FASN: variants seen among roughly 807,000 people sequenced by gnomAD.
FASN encodes the protein fatty acid synthase.
A neutral mutation model predicts 250.0 loss-of-function variants in FASN; 50 were observed. The ratio of observed to expected loss-of-function variants is 0.20; its 90% CI spans 0.16 to 0.25. The LOEUF (loss-of-function observed/expected upper bound fraction) is 0.25, where lower values mean the gene tolerates loss of function less well. Ranked by LOEUF, FASN falls within the 10% of genes least tolerant of loss-of-function variation. The pLI is 1.00. For synonymous variants in FASN, 1,909 were observed against 1,584.0 expected (o/e 1.21, Z -4.87); for missense variants, 3,031 against 3,498.5 (o/e 0.87, Z 3.37).
rs1178917933 is a variant in FASN, at chr17:82,080,827, G to C, written c.6691C>G (p.Leu2231Val). Reference protein sequence around the residue: ...SLLVNPEGPTLMRLNSVQSSE... With the variant: ...SLLVNPEGPTVMRLNSVQSSE... ...CTCTGCACGGAGTTGAGCCGCATCA[G>C]GGTGGGGCCCTCCGGGTTCACCAGC... The change falls in exon 39 of 43, where the codon CTG becomes GTG. Residue 2231 changes from leucine to valine, a missense_variant. Physicochemically the swap from Leu to Val is conservative, Grantham distance 32 (BLOSUM62 1). Coordinates refer to ENST00000306749, the MANE Select transcript of FASN (RefSeq NM_004104.5). 1 of 1,610,432 alleles carries C rather than the reference G, an allele frequency of 6.2e-7. No individual in the cohort carries two copies. The highest frequency in any genetic ancestry group is 1.1e-5 in the South Asian group (1 of 90,524).
chr17:82,081,257 G>C lies in FASN; in HGVS notation c.6502C>G (p.Arg2168Gly). 1 of 1,575,810 alleles carries C rather than the reference G, an allele frequency of 6.3e-7. No homozygotes were observed. Among genetic ancestry groups the C allele is most frequent in the Non-Finnish European group, 8.6e-7 (1 of 1,161,222 alleles). Residue 2168 changes from arginine (R) to glycine (G), a missense_variant, in exon 38 of 43, where the codon CGT becomes GGT. Arg to Gly is a moderately radical substitution (Grantham distance 125). Transcript: ENST00000306749. ...ACGGACAGCACCAGGTTGAGCTCAC[G>C]CTCCAGCGTCTGGCGCACCTCCACG... ...MSVEVRQTLE[R>G]ELNLVLSVRE...
In FASN at chr17:82,084,872, C is replaced by T; in HGVS notation, c.4491G>A (p.Leu1497=). 3 of 1,550,718 alleles carry T rather than the reference C, an allele frequency of 1.9e-6. No individual in the cohort carries two copies. The highest frequency in any genetic ancestry group is 1.7e-6 in the Non-Finnish European group (2 of 1,147,136). The change falls in exon 26 of 43, where the codon TTG becomes TTA. Residue 1497 remains leucine, a synonymous_variant. Transcript: ENST00000306749. ...AGACGTTCATCACCAGGTCTCCCTG[C>T]AACACCTTCTGCAGTTCTGCGGAGC... ...DPGSAELQKV[L]QGDLVMNVYR...
At position 82,087,865 on chromosome 17, in the gene FASN, T is replaced by C; in HGVS notation, c.2867-4A>G. The stretch of plus-strand genomic sequence containing the variant: ...TCATCCCACTGGTACACCTTCCCTG[T>C]GGAAAGGGAGGTGCGGAAGGGCCTG... On this transcript the variant is annotated splice_polypyrimidine_tract_variant and splice_region_variant and intron_variant, in intron 18 of 42. Coordinates refer to ENST00000306749, the MANE Select transcript of FASN (RefSeq NM_004104.5). 1.2e-6 allele frequency: 2 copies of C among 1,612,426 alleles called. No individual in the cohort carries two copies. The highest frequency in any genetic ancestry group is 2.2e-5 in the East Asian group (1 of 44,854).
At chr17:82,092,610 G>A (rs2034230654) in intron 7 of FASN, 21 bp from the exon 8 acceptor site, 1 of 1,604,388 alleles carries the variant, frequency 6.2e-7, no homozygotes, top group Non-Finnish European at 8.5e-7. Flanking sequence ...CATGGGGGGT[G>A]AGGGGCTCTG....
At chr17:82,095,863 C>T (rs192771988) in intron 2 of FASN, among the ~76,000 whole-genome samples, 205 of 152,366 alleles carry the variant, frequency 1.3e-3, no homozygotes, top group Middle Eastern at 3.4e-3. Context: ...TCCAGCCTCC[C>T]GGAGCACATC....
chr17:82,089,166 G>C lies in FASN; in HGVS notation c.2107C>G (p.Arg703Gly), dbSNP rs768238548. Residue 703 changes from arginine to glycine, a missense_variant, in exon 14 of 43, where the codon CGG becomes GGG. By Grantham distance (125) the Arg-to-Gly change is moderately radical (BLOSUM62 -2). Transcript: ENST00000306749. ...PLLQELKKVIREPKPRSARWL... is the reference protein window; with the variant it reads ...PLLQELKKVIGEPKPRSARWL... ...CGGGCTGAACGTGGCTTCGGCTCCCGGATCACCTGCATGAGGGGCCAGGTC... is the reference window on the plus strand; with the variant it reads ...CGGGCTGAACGTGGCTTCGGCTCCCCGATCACCTGCATGAGGGGCCAGGTC... 1 of 1,579,274 alleles carries C rather than the reference G, an allele frequency of 6.3e-7. No homozygotes were observed. Among genetic ancestry groups the C allele is most frequent in the Non-Finnish European group, 8.6e-7 (1 of 1,163,088 alleles).
chr17:82,097,453 C>G (rs1057212324), intron 1 of FASN: 2 of 152,578 alleles, frequency 1.3e-5, no homozygotes, highest in Admixed American at 6.5e-5. Flanking sequence ...TGCGGCCTCC[C>G]TTGGGCCGTC....
intron 8 of FASN, among the ~76,000 whole-genome samples, chr17:82,091,923 A>G (rs1388890984): frequency 2.0e-5 from 3 of 152,128 alleles, no homozygotes; most frequent in Non-Finnish European, 4.4e-5. Flanking sequence ...TCCCAGCCTG[A>G]TGTGGACCCA....
intron 2 of FASN, among the ~76,000 whole-genome samples, chr17:82,096,084 G>A (rs531103616): frequency 1.3e-5 from 2 of 152,368 alleles, no homozygotes; most frequent in African/African-American, 2.4e-5. Flanking sequence ...CCTTGCAGCC[G>A]TTGAGGGAAC....
At chr17:82,088,635 G>A in intron 15 of FASN, 73 bp from the exon 16 acceptor site, 1 of 1,539,250 alleles carries the variant, frequency 6.5e-7, no homozygotes, top group Non-Finnish European at 8.9e-7. Flanking sequence ...CCCACCCACT[G>A]CCTGCGGTGG....
rs769798990 is a variant in FASN, at chr17:82,089,325, C to T, written c.2025G>A (p.Val675=). ...AGTGGAAGGCCATACCGCCGGTCCG[C>T]ACCTCCTTGGCAAACACACCCTCCT... is the stretch of plus-strand genomic sequence containing the variant. ...LRKEGVFAKE[V]RTGGMAFHSY... Residue 675 remains valine (V), a synonymous_variant, in exon 13 of 43, where the codon GTG becomes GTA. Coordinates refer to ENST00000306749, the MANE Select transcript of FASN (RefSeq NM_004104.5). The T allele has an allele frequency of 1.8e-5, 29 of 1,612,720 alleles. No individual in the cohort carries two copies. Among genetic ancestry groups the T allele is most frequent in the South Asian group, 1.2e-4 (11 of 91,090 alleles).
chr17:82,087,401 G>A lies in FASN; in HGVS notation c.3147C>T (p.Pro1049=), dbSNP rs1177932516. The change falls in exon 20 of 43, where the codon CCC becomes CCT. Residue 1049 remains proline, a synonymous_variant. Transcript: ENST00000306749. ...CGATGTGGATGGCGGTGACACGGGT[G>A]GGCAGGTACAGGCCGTGCTTGGCCG... The part of the protein sequence containing the change: ...LGSAKHGLYL[P]TRVTAIHIDP... 3 of 1,612,554 alleles carry A rather than the reference G, an allele frequency of 1.9e-6. No homozygotes were observed. Among genetic ancestry groups the A allele is most frequent in the Non-Finnish European group, 2.5e-6 (3 of 1,179,988 alleles).
chr17:82,080,024 G>T, intron 41 of FASN, 116 bp downstream of exon 41: 1 of 1,137,012 alleles, frequency 8.8e-7, no homozygotes, highest in Non-Finnish European at 1.3e-6. Flanking sequence ...GGCTATTAAA[G>T]GGGTGAAGTT....
At chr17:82,096,864 C>G (rs998977369) in intron 1 of FASN, 9 of 318,168 alleles carry the variant, frequency 2.8e-5, no homozygotes, top group Non-Finnish European at 5.0e-5. Context: ...CAGTGAGGAG[C>G]AGGCAGGGTC....
chr17:82,082,634 G>T lies in FASN; in HGVS notation c.5812C>A (p.Gln1938Lys). The change falls in exon 34 of 43, where the codon CAG (glutamine) becomes AAG (lysine). Residue 1938 changes from glutamine (Q) to lysine (K), a missense_variant. Transcript: ENST00000306749. ...ATGTTGCTGGTGGACACCTGCACCT[G>T]TACGCCCTGGCGCCTCCACCGGCGG... The part of the protein sequence containing the change: ...QVRRWRRQGV[Q>K]VQVSTSNISS... The T allele has an allele frequency of 6.2e-7, 1 of 1,610,680 alleles. No homozygotes were observed. The highest frequency in any genetic ancestry group is 8.5e-7 in the Non-Finnish European group (1 of 1,179,872).
chr17:82,089,227 C>A (rs747740503), intron 13 of FASN, 23 bp downstream of exon 13: 2 of 1,611,178 alleles, frequency 1.2e-6, no homozygotes, highest in East Asian at 2.2e-5. Flanking sequence ...CCGCCCCGCA[C>A]CCCCCAGGCC....
intron 30 of FASN, 60 bp downstream of exon 30, chr17:82,083,712 T>C: frequency 1.2e-6 from 2 of 1,607,566 alleles, no homozygotes; most frequent in Non-Finnish European, 1.7e-6. Context: ...GGCCAGACCC[T>C]GCTTCTCCCT....
chr17:82,098,060 G>C, intron 1 of FASN, 61 bp downstream of exon 1: 1 of 324,814 alleles, frequency 3.1e-6, no homozygotes, highest in East Asian at 4.7e-5. Flanking sequence ...GCCACCCCGG[G>C]AACCCCGGGC....
At chr17:82,092,651 G>T in intron 7 of FASN, 46 bp downstream of exon 7, 2 of 1,477,566 alleles carry the variant, frequency 1.4e-6, no homozygotes, top group Non-Finnish European at 1.8e-6. Flanking sequence ...ATGGGCGTAG[G>T]TTAGGCTCAT....
Sources: gnomAD v4.1 joint callset for allele counts (sites outside exome capture counted in the v4.1 genomes callset) on GRCh38, gnomAD v4.1.1 for gene constraint, MANE v1.5 for transcripts, NCBI Gene and HGNC (gene_info 2026-07-23, HGNC 2026-07-21) for gene names.